The following PDLIM3 variants were observed in gnomAD, a reference collection of about 807,000 sequenced individuals.
PDLIM3 encodes the protein PDZ and LIM domain 3, also known as PDZ and LIM domain protein 3.
In PDLIM3, 36 loss-of-function variants were observed where a neutral mutation model predicts 37.3. The observed-to-expected ratio is 0.97, with a 90% CI of 0.74 to 1.28. The LOEUF (loss-of-function observed/expected upper bound fraction) is 1.28. Ranked by LOEUF, PDLIM3 falls within the 50% of genes most tolerant of loss-of-function variation. PDLIM3 has a pLI of 0.00. For synonymous variants in PDLIM3, 174 were observed against 182.4 expected (o/e 0.95, Z 0.37); for missense variants, 454 against 485.0 (o/e 0.94, Z 0.60).
chr4:185,506,963 T>C (rs2095698635), intron 5 of PDLIM3: 1 of 327,556 alleles, frequency 3.1e-6, no homozygotes, highest in Admixed American at 4.1e-5. Context: ...TTGAGTCTGA[T>C]GGATACATAA....
intron 1 of PDLIM3, among the ~76,000 whole-genome samples, chr4:185,527,351 G>T (rs1049628888): frequency 1.2e-4 from 18 of 152,114 alleles, no homozygotes; most frequent in African/African-American, 4.3e-4. Context: ...ATCTAATTGC[G>T]GTTCTAAGGA....
At chr4:185,519,679 G>GA (rs1268192005) in intron 3 of PDLIM3, among the ~76,000 whole-genome samples, 2 of 151,840 alleles carry the variant, frequency 1.3e-5, no homozygotes, top group African/African-American at 2.4e-5. Context: ...ATTCACAGGG[G>GA]AAAAAAACCC....
chr4:185,502,899 G>A (rs897644024), intron 7 of PDLIM3, among the ~76,000 whole-genome samples: 2 of 152,132 alleles, frequency 1.3e-5, no homozygotes, highest in Admixed American at 1.3e-4. Context: ...TTCCGTCTGC[G>A]TGGTCCAGCC....
chr4:185,526,818 C>T (rs2095735018), intron 1 of PDLIM3, among the ~76,000 whole-genome samples: 1 of 152,170 alleles, frequency 6.6e-6, no homozygotes, highest in Admixed American at 6.6e-5. Context: ...TGAAATGCTT[C>T]CCTTACTCTT....
intron 1 of PDLIM3, among the ~76,000 whole-genome samples, chr4:185,525,836 A>C (rs1163792578): frequency 1.3e-5 from 2 of 152,194 alleles, no homozygotes; most frequent in African/African-American, 2.4e-5. Flanking sequence ...TGCAACCCAG[A>C]AGAGTTTCCT....
chr4:185,528,615 C>A (rs1385781412), intron 1 of PDLIM3, among the ~76,000 whole-genome samples: 3 of 152,238 alleles, frequency 2.0e-5, no homozygotes, highest in Non-Finnish European at 4.4e-5. Flanking sequence ...TGCTGCTGAG[C>A]AGCTGTACAG....
In PDLIM3 at chr4:185,514,224, T is replaced by C. The variant is rs773217633; in HGVS notation, c.398+46A>G. 1.5e-5 allele frequency: 24 copies of C among 1,613,998 alleles called. No individual in the cohort carries two copies. Among genetic ancestry groups the C allele is most frequent in the Non-Finnish European group, 1.9e-5 (22 of 1,180,008 alleles). ...TTTCTTGATGATTAGTAAGAACTGA[T>C]TTAAGAAGCATGCACTGCAAACTCC... On this transcript the variant is annotated intron_variant, in intron 4 of 7. Coordinates refer to ENST00000284767, the MANE Select transcript of PDLIM3 (RefSeq NM_014476.6). The surrounding 1 kb of genome is among the most constrained non-coding windows in gnomAD (Gnocchi z 4.0).
At chr4:185,510,907 T>G (rs962817429) in intron 4 of PDLIM3, among the ~76,000 whole-genome samples, 10 of 152,242 alleles carry the variant, frequency 6.6e-5, no homozygotes, top group Non-Finnish European at 8.8e-5. Context: ...TTTTCATGGA[T>G]TCCAGTCACT....
At position 185,504,746 on chromosome 4, in the gene PDLIM3, T is replaced by C. The variant is rs1015974736; in HGVS notation, c.794-160A>G. ...AATCATAAGGGACGCTGTTCTGAAA[T>C]AGGGCATTATAGAATGGAATTAGTG... On this transcript the variant is annotated intron_variant, in intron 6 of 7. Transcript: ENST00000284767. This position sits in a 1 kb window ranked among gnomAD's most constrained non-coding sequence, Gnocchi z 4.7. Among the ~76,000 whole-genome samples, 4 of 152,198 alleles carry C rather than the reference T, an allele frequency of 2.6e-5. No individual in the cohort carries two copies. The highest frequency in any genetic ancestry group is 2.6e-4 in the Admixed American group (4 of 15,282).
intron 4 of PDLIM3, among the ~76,000 whole-genome samples, chr4:185,509,694 C>A (rs573660309): frequency 2.0e-5 from 3 of 152,252 alleles, no homozygotes; most frequent in South Asian, 4.1e-4. Flanking sequence ...TTGCTGTAAG[C>A]TCAAGACAGA....
In PDLIM3 at chr4:185,502,227, C is replaced by T. The variant is rs148691818; in HGVS notation, c.*67G>A. On this transcript the variant is annotated 3_prime_UTR_variant, in exon 8 of 8. Coordinates refer to ENST00000284767, the MANE Select transcript of PDLIM3 (RefSeq NM_014476.6). Reference sequence around the variant, plus strand: ...ATCTGCACAATCCTTCTGCCCAAAGCCATGAATGTCTTCTCGTGTAAGTGC... The same window carrying T: ...ATCTGCACAATCCTTCTGCCCAAAGTCATGAATGTCTTCTCGTGTAAGTGC... The T allele has an allele frequency of 6.1e-6, 9 of 1,482,202 alleles. No individual in the cohort carries two copies. The East Asian group carries it at 2.0e-4, about 33-fold the overall frequency. 91.8% of individuals were successfully genotyped at this position (1,482,202 alleles called of 1,614,324 possible).
At chr4:185,535,181 CG>C (rs755957586) in intron 1 of PDLIM3, among the ~76,000 whole-genome samples, 160 bp downstream of exon 1, 53 of 152,276 alleles carry the variant, frequency 3.5e-4, no homozygotes, top group Non-Finnish European at 6.0e-4. Flanking sequence ...GAGTTGCCGC[CG>C]CCCCCGGAGC....
intron 3 of PDLIM3, chr4:185,515,844 C>T (rs2095714054): frequency 6.6e-6 from 1 of 151,938 alleles, no homozygotes; most frequent in Non-Finnish European, 1.5e-5. Flanking sequence ...CAGAAGAAAA[C>T]CAAAAGGGAA....
chr4:185,514,648 A>AAACC lies in PDLIM3; in HGVS notation c.331-315_331-312dup. On this transcript the variant is annotated intron_variant, in intron 3 of 7. Transcript: ENST00000284767. This position sits in a 1 kb window ranked among gnomAD's most constrained non-coding sequence, Gnocchi z 4.0. ...AGAGCTGGACTTTTGAAAAGAAAAG[A>AAACC]AACCATGCTATCACTGTTAGGTACA... 1 of 1,460,992 alleles carries AAACC rather than the reference A, an allele frequency of 6.8e-7. No homozygotes were observed. Among genetic ancestry groups the AAACC allele is most frequent in the Non-Finnish European group, 9.2e-7 (1 of 1,092,578 alleles). The allele number at this position is 1,460,992 out of a possible 1,614,324, so 90.5% of individuals were successfully genotyped here. A position where few individuals can be genotyped will look rare whatever the true frequency, so the allele number is the denominator to read the frequency against.
At position 185,523,555 on chromosome 4, in the gene PDLIM3, T is replaced by C. The variant is rs557615817; in HGVS notation, c.246-109A>G. On this transcript the variant is annotated intron_variant, in intron 2 of 7. Transcript: ENST00000284767. ...GAAAATACTAGCAAACCTCACTAAC[T>C]TATGCAAAAACAATTTTTTTTTTTG... The C allele has an allele frequency of 2.7e-5, 17 of 631,634 alleles. No individual in the cohort carries two copies. In the South Asian group the frequency reaches 3.1e-4, roughly 12 times the overall value. The allele number at this position is 631,634 out of a possible 1,614,324, so 39.1% of individuals were successfully genotyped here. A position where few individuals can be genotyped will look rare whatever the true frequency, so the allele number is the denominator to read the frequency against.
At chr4:185,515,618 A>T (rs1260042692) in intron 3 of PDLIM3, 3 of 152,192 alleles carry the variant, frequency 2.0e-5, no homozygotes, top group African/African-American at 7.2e-5. Flanking sequence ...AAAGTCAGTA[A>T]TTCAGAGAGA....
chr4:185,507,003 C>A (rs75575262), intron 5 of PDLIM3: 4,426 of 230,760 alleles, frequency 0.019, 189 homozygotes, highest in African/African-American at 0.091. Flanking sequence ...TAACTTTTCC[C>A]AGAGAAAAGG....
chr4:185,526,652 C>T (rs1279582923), intron 1 of PDLIM3, among the ~76,000 whole-genome samples: 1 of 152,252 alleles, frequency 6.6e-6, no homozygotes, highest in Non-Finnish European at 1.5e-5. Context: ...CTAGACCTCA[C>T]ATGGGTCTTA....
At chr4:185,520,288 T>C (rs1027216868) in intron 3 of PDLIM3, among the ~76,000 whole-genome samples, 6 of 152,256 alleles carry the variant, frequency 3.9e-5, no homozygotes, top group Admixed American at 2.0e-4. Context: ...GGTTCATTAG[T>C]AGAACTGAAT....
Sources: gnomAD v4.1 joint callset for allele counts (sites outside exome capture counted in the v4.1 genomes callset) on GRCh38, gnomAD v4.1.1 for gene constraint, Gnocchi (gnomAD v3.1) non-coding constraint, MANE v1.5 for transcripts, NCBI Gene and HGNC (gene_info 2026-07-23, HGNC 2026-07-21) for gene names.